The following TMEM253 variants were observed in gnomAD, a reference collection of about 807,000 sequenced individuals.
TMEM253 encodes transmembrane protein 253.
Under a neutral mutation model 20.3 loss-of-function variants are expected in TMEM253, and 22 were observed. The ratio of observed to expected loss-of-function variants is 1.08; its 90% CI spans 0.78 to 1.55. The LOEUF is 1.55. Ranked by LOEUF, TMEM253 falls within the 40% of genes most tolerant of loss-of-function variation. The pLI is 0.00. For synonymous variants in TMEM253, 92 were observed against 102.6 expected (o/e 0.90, Z 0.62); for missense variants, 251 against 266.1 (o/e 0.94, Z 0.39).
chr14:21,103,177 T>C, exon 7 of TMEM253: 1 of 1,551,678 alleles, frequency 6.4e-7, no homozygotes. Flanking sequence ...GTTTGGAGAA[T>C]GGTCCCACGG....
At chr14:21,100,664 G>A (rs1235270455), upstream of TMEM253, among the ~76,000 whole-genome samples, 1 of 152,126 alleles carries the variant, frequency 6.6e-6, no homozygotes, top group Non-Finnish European at 1.5e-5. Flanking sequence ...CTTCAAGAAA[G>A]AAGGAAGGGA....
chr14:21,100,943 G>C (rs1889591094), upstream of TMEM253: 1 of 163,044 alleles, frequency 6.1e-6, no homozygotes, highest in Non-Finnish European at 1.3e-5. Flanking sequence ...TGAGGGTAAT[G>C]AGAAATGGGA....
upstream of TMEM253, among the ~76,000 whole-genome samples, chr14:21,099,711 G>A (rs1288989257): frequency 6.6e-6 from 1 of 152,154 alleles, no homozygotes; most frequent in Non-Finnish European, 1.5e-5. Context: ...CCAGGTACTG[G>A]GCTAAGCTCT....
upstream of TMEM253, among the ~76,000 whole-genome samples, chr14:21,100,532 G>GAGATAGATAGAT (rs3062000): frequency 2.0e-4 from 30 of 150,226 alleles, no homozygotes; most frequent in Admixed American, 3.3e-4. Flanking sequence ...TGAGGACCAT[G>GAGATAGATAGAT]AGATAGATAG....
chr14:21,102,218 C>T (rs1566557951), intron 4 of TMEM253, 98 bp downstream of exon 4: 1 of 1,443,838 alleles, frequency 6.9e-7, no homozygotes. Flanking sequence ...TTGACTCATT[C>T]TCTCAGCTGT....
chr14:21,103,171 G>A, exon 7 of TMEM253: 1 of 1,551,684 alleles, frequency 6.4e-7, no homozygotes, highest in South Asian at 1.2e-5. Flanking sequence ...TTCCTGGTTT[G>A]GAGAATGGTC....
At position 21,103,640 on chromosome 14, in the gene TMEM253, T is replaced by G. The variant is rs183654633; in HGVS notation, c.*382T>G. ...CAGTTCCCCTTTCGATCCATCTCCT[T>G]TCTACTGTAGCGGAGACTACAAGTC... On this transcript the variant is annotated 3_prime_UTR_variant, in exon 7 of 7. Transcript: ENST00000556585. 10 of 193,668 alleles carry G rather than the reference T, an allele frequency of 5.2e-5. No homozygotes were observed. The East Asian group carries it at 1.6e-3, about 30-fold the overall frequency. The allele number at this position is 193,668 out of a possible 1,614,324, so 12.0% of individuals were successfully genotyped here.
At chr14:21,103,426 TCCTCA>T in exon 7 of TMEM253, 1 of 1,146,856 alleles carries the variant, frequency 8.7e-7, no homozygotes, top group Non-Finnish European at 1.2e-6. Context: ...CGAGAATATA[TCCTCA>T]CCTCACCACC....
chr14:21,102,300 G>C, intron 4 of TMEM253, 105 bp from the exon 5 acceptor site: 1 of 1,449,376 alleles, frequency 6.9e-7, no homozygotes, highest in Non-Finnish European at 9.4e-7. Context: ...CTGTTTGGAG[G>C]CTGAGAAGCA....
At chr14:21,103,426 T>C in exon 7 of TMEM253, 2 of 1,146,858 alleles carry the variant, frequency 1.7e-6, no homozygotes, top group Non-Finnish European at 2.4e-6. Flanking sequence ...CGAGAATATA[T>C]CCTCACCTCA....
exon 7 of TMEM253, chr14:21,103,146 C>G: frequency 6.4e-7 from 1 of 1,551,706 alleles, no homozygotes; most frequent in African/African-American, 1.4e-5. Flanking sequence ...CAGGGCTTCT[C>G]TGAGTTGGAA....
upstream of TMEM253, among the ~76,000 whole-genome samples, chr14:21,099,456 T>C (rs1889504820): frequency 6.6e-6 from 1 of 152,170 alleles, no homozygotes; most frequent in African/African-American, 2.4e-5. Flanking sequence ...AGCAGTTTTC[T>C]GGATCTCTTT....
In TMEM253 at chr14:21,101,986, C is replaced by T; in HGVS notation, c.219+11C>T. The T allele has an allele frequency of 6.4e-7, 1 of 1,551,328 alleles. No individual in the cohort carries two copies. Among genetic ancestry groups the T allele is most frequent in the Non-Finnish European group, 8.7e-7 (1 of 1,146,694 alleles). Reference sequence around the variant, plus strand: ...GGGCCTGGAGCCTCAGTAAGACCCACCACAAGGGAGGGTGGAAGGTCCCAG... The same window carrying T: ...GGGCCTGGAGCCTCAGTAAGACCCATCACAAGGGAGGGTGGAAGGTCCCAG... On this transcript the variant is annotated intron_variant, in intron 3 of 6. Coordinates refer to ENST00000556585, the Ensembl canonical transcript of TMEM253.
At chr14:21,100,622 CCATT>C (rs1229420279), upstream of TMEM253, among the ~76,000 whole-genome samples, 1 of 152,124 alleles carries the variant, frequency 6.6e-6, no homozygotes, top group African/African-American at 2.4e-5. Context: ...TCCCCCCCAT[CCATT>C]GAGTCAGTGT....
At position 21,102,517 on chromosome 14, in the gene TMEM253, T is replaced by C. The variant is rs1889706790; in HGVS notation, c.387+2T>C. 4 of 1,551,658 alleles carry C rather than the reference T, an allele frequency of 2.6e-6. No individual in the cohort carries two copies. Among genetic ancestry groups the C allele is most frequent in the Non-Finnish European group, 3.5e-6 (4 of 1,146,990 alleles). On this transcript the variant is annotated splice_donor_variant, in intron 5 of 6. Coordinates refer to ENST00000556585, the Ensembl canonical transcript of TMEM253. LOFTEE classifies it high-confidence loss of function. ...CCTGCCCCAACTGCCTCCTCCCAGG[T>C]ACTGGTCAATGAAGGAGAAGGTGGG...
chr14:21,099,761 A>G (rs1414830330), upstream of TMEM253, among the ~76,000 whole-genome samples: 2 of 152,250 alleles, frequency 1.3e-5, no homozygotes, highest in Non-Finnish European at 2.9e-5. Context: ...TGGTATTATT[A>G]ACTTCCTTTT....
exon 5 of TMEM253, chr14:21,102,436 A>G: frequency 6.4e-7 from 1 of 1,551,702 alleles, no homozygotes; most frequent in East Asian, 2.4e-5. Flanking sequence ...AACACCTTCA[A>G]CTTGATCTTG....
intron 6 of TMEM253, 88 bp downstream of exon 6, chr14:21,102,867 T>G: frequency 6.7e-7 from 1 of 1,490,912 alleles, no homozygotes; most frequent in Non-Finnish European, 8.9e-7. Flanking sequence ...TAAGGGAAAA[T>G]AATGGGGCAG....
At chr14:21,103,268 C>T (rs1010767588) in exon 7 of TMEM253, 10 of 1,549,756 alleles carry the variant, frequency 6.5e-6, no homozygotes, top group African/African-American at 1.4e-5. Flanking sequence ...AGAGAATGCT[C>T]TCCAGACATT....
Sources: allele counts gnomAD v4.1 joint callset (sites outside exome capture counted in the v4.1 genomes callset), GRCh38; gene constraint gnomAD v4.1.1; transcripts MANE v1.5; gene names NCBI Gene and HGNC (gene_info 2026-07-23, HGNC 2026-07-21).